The following CAPSL variants were observed in gnomAD, a reference collection of about 807,000 sequenced individuals.
The protein encoded by CAPSL is calcyphosin-like protein.
Under a neutral mutation model 21.3 loss-of-function variants are expected in CAPSL, and 17 were observed. That is an observed-to-expected ratio of 0.80 (90% CI 0.55 to 1.20). The LOEUF (loss-of-function observed/expected upper bound fraction) is 1.20, where lower values mean the gene tolerates loss of function less well. CAPSL is among the 50% of genes most tolerant of loss of function. The pLI is 0.00. For synonymous variants in CAPSL, 102 were observed against 89.3 expected (o/e 1.14, Z -0.80); for missense variants, 289 against 259.3 (o/e 1.11, Z -0.79).
At chr5:35,917,066 G>T (rs1403581740) in intron 2 of CAPSL, among the ~76,000 whole-genome samples, 1 of 152,122 alleles carries the variant, frequency 6.6e-6, no homozygotes, top group East Asian at 1.9e-4. Context: ...GATATGAACA[G>T]GCACTTCTCA....
chr5:35,924,986 ACT>A (rs1412788490), intron 1 of CAPSL, among the ~76,000 whole-genome samples: 1 of 152,098 alleles, frequency 6.6e-6, no homozygotes, highest in African/African-American at 2.4e-5. Context: ...CCTGTAGAAG[ACT>A]CTGTCTGAAC....
Position 35,910,622 on chromosome 5 carries a change from A to C in CAPSL, c.138-79T>G, listed in dbSNP as rs1048831888. ...GTGTAAAGATTAAAAAAAAATCCAC[A>C]CTCAAGGTTTCGTCAAATTAAAATA... On this transcript the variant is annotated intron_variant, in intron 2 of 4. Transcript: ENST00000651391. 1.0e-5 allele frequency: 11 copies of C among 1,095,770 alleles called. No individual in the cohort carries two copies. In the African/African-American group the frequency reaches 1.6e-4, roughly 16 times the overall value. The allele number at this position is 1,095,770 out of a possible 1,614,324, so 67.9% of individuals were successfully genotyped here. A position where few individuals can be genotyped will look rare whatever the true frequency, so the allele number is the denominator to read the frequency against.
intron 1 of CAPSL, among the ~76,000 whole-genome samples, chr5:35,922,865 G>A (rs1738574042): frequency 6.6e-6 from 1 of 152,160 alleles, no homozygotes; most frequent in Non-Finnish European, 1.5e-5. Context: ...CTGAGTCACA[G>A]ACAAGACCAC....
intron 1 of CAPSL, among the ~76,000 whole-genome samples, chr5:35,929,357 T>C (rs1738763901): frequency 6.9e-6 from 1 of 144,744 alleles, no homozygotes; most frequent in Non-Finnish European, 1.5e-5. Context: ...CGTTCTCAGC[T>C]CACTGCAACC....
At chr5:35,927,304 T>G (rs539928279) in intron 1 of CAPSL, among the ~76,000 whole-genome samples, 1 of 152,188 alleles carries the variant, frequency 6.6e-6, no homozygotes, top group Non-Finnish European at 1.5e-5. Flanking sequence ...ATTTTCCCCA[T>G]AGCCAGACCA....
intron 2 of CAPSL, among the ~76,000 whole-genome samples, chr5:35,915,003 C>T (rs55740934): frequency 6.9e-4 from 105 of 152,052 alleles, no homozygotes; most frequent in Non-Finnish European, 9.6e-4. Context: ...ATCAAATAGA[C>T]ACAATAAAAA....
At chr5:35,920,946 T>C (rs1364452241) in intron 2 of CAPSL, 38 bp downstream of exon 2, 1 of 1,606,526 alleles carries the variant, frequency 6.2e-7, no homozygotes, top group Non-Finnish European at 8.5e-7. Flanking sequence ...AGTCATTCCT[T>C]CCCGCTCCAT....
chr5:35,916,079 A>G (rs1580885220), intron 2 of CAPSL, among the ~76,000 whole-genome samples: 1 of 152,132 alleles, frequency 6.6e-6, no homozygotes, highest in East Asian at 1.9e-4. Flanking sequence ...ACAGACAAAC[A>G]GAGAGGCAAA....
intron 1 of CAPSL, among the ~76,000 whole-genome samples, chr5:35,928,145 A>G (rs1738730915): frequency 6.6e-6 from 1 of 152,214 alleles, no homozygotes; most frequent in Non-Finnish European, 1.5e-5. Context: ...TTCACATGGC[A>G]GAAGAGATGG....
At chr5:35,907,238 A>C (rs1307362215) in intron 4 of CAPSL, among the ~76,000 whole-genome samples, 1 of 152,140 alleles carries the variant, frequency 6.6e-6, no homozygotes, top group Non-Finnish European at 1.5e-5. Flanking sequence ...CTCAGCTCCA[A>C]ATTCATCAGA....
chr5:35,938,026 C>T (rs1220676863), intron 1 of CAPSL, among the ~76,000 whole-genome samples: 3 of 152,176 alleles, frequency 2.0e-5, no homozygotes, highest in African/African-American at 4.8e-5. Flanking sequence ...TGTATGTACA[C>T]TTTAATAAGC....
At chr5:35,927,551 A>C (rs1359006418) in intron 1 of CAPSL, among the ~76,000 whole-genome samples, 2 of 152,178 alleles carry the variant, frequency 1.3e-5, no homozygotes, top group African/African-American at 4.8e-5. Flanking sequence ...CTTCTTTTAA[A>C]TTCTCATCCA....
intron 1 of CAPSL, among the ~76,000 whole-genome samples, chr5:35,923,307 A>G (rs1350052112): frequency 6.6e-6 from 1 of 152,220 alleles, no homozygotes; most frequent in African/African-American, 2.4e-5. Flanking sequence ...ACAGATCCCC[A>G]GTGGGACCCT....
chr5:35,935,254 T>G (rs1203427463), intron 1 of CAPSL, among the ~76,000 whole-genome samples: 1 of 152,106 alleles, frequency 6.6e-6, no homozygotes, highest in African/African-American at 2.4e-5. Context: ...GCTCCTTGAT[T>G]TCTACCAACT....
intron 2 of CAPSL, among the ~76,000 whole-genome samples, chr5:35,916,356 A>G (rs1490423919): frequency 6.6e-6 from 1 of 152,214 alleles, no homozygotes; most frequent in Non-Finnish European, 1.5e-5. Context: ...AGAATTGGAA[A>G]AAACTACTTT....
At position 35,910,079 on chromosome 5, in the gene CAPSL, CA is replaced by C; in HGVS notation, c.316-5del. On this transcript the variant is annotated splice_region_variant and splice_polypyrimidine_tract_variant and intron_variant, in intron 3 of 4. Coordinates refer to ENST00000651391, the MANE Select transcript of CAPSL (RefSeq NM_001042625.2). ...TTCTGGCTCTGGACATTGGAGGCTA[CA>C]AAAATAGAAGAATACATACAGAGAC... 1.3e-6 allele frequency: 2 copies of C among 1,593,120 alleles called. No individual in the cohort carries two copies. The highest frequency in any genetic ancestry group is 1.7e-6 in the Non-Finnish European group (2 of 1,172,310).
chr5:35,926,699 G>A (rs1276978901), intron 1 of CAPSL, among the ~76,000 whole-genome samples: 1 of 152,136 alleles, frequency 6.6e-6, no homozygotes, highest in Non-Finnish European at 1.5e-5. Context: ...CTCTCCATCT[G>A]CAGCCAACTA....
intron 2 of CAPSL, among the ~76,000 whole-genome samples, chr5:35,915,928 T>C (rs1738373290): frequency 2.6e-5 from 4 of 152,234 alleles, no homozygotes; most frequent in African/African-American, 9.6e-5. Context: ...AAATTGTCCC[T>C]GTTTGCAGAT....
chr5:35,934,539 G>A (rs975193449), intron 1 of CAPSL, among the ~76,000 whole-genome samples: 1 of 152,184 alleles, frequency 6.6e-6, no homozygotes, highest in Non-Finnish European at 1.5e-5. Flanking sequence ...CCACTGGGAG[G>A]CATCAGTAGA....
Sources: allele counts gnomAD v4.1 joint callset (sites outside exome capture counted in the v4.1 genomes callset), GRCh38; gene constraint gnomAD v4.1.1; transcripts MANE v1.5; gene names NCBI Gene and HGNC (gene_info 2026-07-23, HGNC 2026-07-21).